Variants in SAMD12 observed in about 807,000 individuals in gnomAD.
SAMD12 encodes sterile alpha motif domain containing 12.
Under a neutral mutation model 15.0 loss-of-function variants are expected in SAMD12, and 9 were observed. The ratio of observed to expected loss-of-function variants is 0.60; its 90% CI spans 0.36 to 1.05. SAMD12 has a LOEUF of 1.05. Among genes scored for constraint, SAMD12 ranks in the 50% least tolerant of loss-of-function variants. SAMD12 has a pLI of 0.01. For synonymous variants in SAMD12, 86 were observed against 90.1 expected, an observed-to-expected ratio of 0.96 and a Z score of 0.25; for missense variants, 230 against 234.2, an observed-to-expected ratio of 0.98 and a Z score of 0.12.
intron 4 of SAMD12, among the ~76,000 whole-genome samples, chr8:118,255,073 T>A (rs1812902977): frequency 6.6e-6 from 1 of 151,986 alleles, no homozygotes; most frequent in Admixed American, 6.6e-5. Flanking sequence ...GCTCACAGAA[T>A]CACTTTCAAA....
intron 2 of SAMD12, among the ~76,000 whole-genome samples, chr8:118,524,937 T>C (rs1024555860): frequency 1.3e-5 from 2 of 152,214 alleles, no homozygotes; most frequent in African/African-American, 4.8e-5. Context: ...CAGTCTGTTC[T>C]CAACAGAGCA....
At chr8:118,416,591 A>G (rs1821702446) in intron 3 of SAMD12, among the ~76,000 whole-genome samples, 1 of 152,236 alleles carries the variant, frequency 6.6e-6, no homozygotes, top group South Asian at 2.1e-4. Context: ...CTACGTGAAA[A>G]TCAAACCATC....
chr8:118,523,586 C>A (rs1444531850), intron 2 of SAMD12, among the ~76,000 whole-genome samples: 1 of 152,164 alleles, frequency 6.6e-6, no homozygotes, highest in Non-Finnish European at 1.5e-5. Flanking sequence ...AAACCCCAAT[C>A]TTCCATGAAC....
intron 4 of SAMD12, among the ~76,000 whole-genome samples, chr8:118,226,003 G>T (rs547590563): frequency 1.1e-4 from 16 of 152,250 alleles, no homozygotes; most frequent in Non-Finnish European, 2.2e-4. Context: ...GACTTTCTGG[G>T]TCACAGAGAT....
chr8:118,492,121 C>CTT lies in SAMD12; in HGVS notation c.193-52161_193-52160insAA, dbSNP rs1586760425. 7.3e-3 allele frequency among the ~76,000 whole-genome samples: 820 copies of CTT among 112,570 alleles called. 10 individuals are homozygous for CTT. The highest frequency in any genetic ancestry group is 0.011 in the Non-Finnish European group (617 of 57,676). 73.9% of individuals were successfully genotyped at this position (112,570 alleles called of 152,430 possible). A position where few individuals can be genotyped will look rare whatever the true frequency, so the allele number is the denominator to read the frequency against. On this transcript the variant is annotated intron_variant, in intron 2 of 3. Coordinates refer to ENST00000314727, the MANE Select transcript of SAMD12 (RefSeq NM_207506.3). ...CTCCACATCACTGATACTGGTGTTG[C>CTT]CTTTTTTTTTTTTTTTTTAAGTTTT...
downstream of SAMD12, chr8:118,375,942 T>C (rs1188277586): frequency 2.6e-5 from 4 of 152,202 alleles, no homozygotes; most frequent in East Asian, 7.7e-4. Context: ...TCAAATATAG[T>C]ATACATTGTT....
At chr8:118,164,660 T>G in the SAMD12 span, among the ~76,000 whole-genome samples, 6 of 152,158 alleles carry the variant, frequency 3.9e-5, no homozygotes, top group African/African-American at 7.2e-5. Context: ...CCAGGGCTCA[T>G]GTCTCTGCTC....
chr8:118,335,073 T>C (rs7008800), intron 4 of SAMD12, among the ~76,000 whole-genome samples: 71,073 of 152,008 alleles, frequency 0.47, 18,363 homozygotes, highest in African/African-American at 0.71. Context: ...ATATGTTCTC[T>C]TGTGTCATGT....
intron 4 of SAMD12, among the ~76,000 whole-genome samples, chr8:118,366,774 T>C (rs932018733): frequency 6.7e-6 from 1 of 149,742 alleles, no homozygotes; most frequent in Non-Finnish European, 1.5e-5. Flanking sequence ...ATCGCGCCAT[T>C]GCACTCCAGC....
chr8:118,275,578 T>G (rs902513464), intron 4 of SAMD12, among the ~76,000 whole-genome samples: 2 of 152,174 alleles, frequency 1.3e-5, no homozygotes, highest in African/African-American at 4.8e-5. Flanking sequence ...TATTTTAGAT[T>G]CAGGAGGCAC....
chr8:118,531,997 T>A (rs1825702019), intron 2 of SAMD12, among the ~76,000 whole-genome samples: 1 of 152,210 alleles, frequency 6.6e-6, no homozygotes, highest in Non-Finnish European at 1.5e-5. Context: ...GGCATCCCTG[T>A]CTTGCGCCCG....
chr8:118,564,829 A>G (rs1302215835), intron 2 of SAMD12, among the ~76,000 whole-genome samples: 1 of 152,226 alleles, frequency 6.6e-6, no homozygotes, highest in African/African-American at 2.4e-5. Context: ...CAGCTTCTGA[A>G]CAGCTATCTT....
the SAMD12 span, among the ~76,000 whole-genome samples, chr8:118,172,998 T>C: frequency 2.0e-5 from 3 of 152,212 alleles, no homozygotes; most frequent in Admixed American, 2.0e-4. Flanking sequence ...CATGCGATAT[T>C]TGTCCTTTGA....
chr8:118,551,742 G>GT (rs1490783298), intron 2 of SAMD12, among the ~76,000 whole-genome samples: 14 of 150,620 alleles, frequency 9.3e-5, no homozygotes, highest in African/African-American at 3.4e-4. Context: ...CCAGGAGCTG[G>GT]TTTTTTGAAA....
chr8:118,457,432 T>C (rs1047124787), intron 2 of SAMD12, among the ~76,000 whole-genome samples: 1 of 151,860 alleles, frequency 6.6e-6, no homozygotes, highest in African/African-American at 2.4e-5. Context: ...GGTCTCACTA[T>C]GTTGCCCAGG....
chr8:118,577,481 G>A (rs1193915184), intron 2 of SAMD12, among the ~76,000 whole-genome samples: 2 of 152,084 alleles, frequency 1.3e-5, no homozygotes, highest in African/African-American at 4.8e-5. Flanking sequence ...AGCTCATTAA[G>A]CTCCTCTGGA....
intron 2 of SAMD12, among the ~76,000 whole-genome samples, chr8:118,557,157 T>G (rs1390577701): frequency 6.6e-6 from 1 of 151,218 alleles, no homozygotes; most frequent in Non-Finnish European, 1.5e-5. Flanking sequence ...GGGTGGGAGG[T>G]GATTGGATCA....
intron 1 of SAMD12, among the ~76,000 whole-genome samples, chr8:118,593,868 C>T (rs530208702): frequency 8.5e-5 from 13 of 152,276 alleles, no homozygotes; most frequent in African/African-American, 2.4e-4. Context: ...AAACATAATG[C>T]CACTATTCTA....
At chr8:118,189,238 G>C (rs58804655), downstream of SAMD12, among the ~76,000 whole-genome samples, 7 of 152,246 alleles carry the variant, frequency 4.6e-5, no homozygotes, top group Admixed American at 6.5e-5. Context: ...GGGAGCCATA[G>C]GGAGGCCATC....
Sources: gnomAD v4.1 joint callset for allele counts (sites outside exome capture counted in the v4.1 genomes callset) on GRCh38, gnomAD v4.1.1 for gene constraint, MANE v1.5 for transcripts, NCBI Gene and HGNC (gene_info 2026-07-23, HGNC 2026-07-21) for gene names.